FHOD3: variants seen among roughly 807,000 people sequenced by gnomAD.
FHOD3 encodes the protein formin homology 2 domain containing 3.
FHOD3 carries 90 observed loss-of-function variants against 173.0 expected under a neutral mutation model. That is an observed-to-expected ratio of 0.52 (90% CI 0.44 to 0.62). The LOEUF (loss-of-function observed/expected upper bound fraction) is 0.62. FHOD3 is among the 20% of genes least tolerant of loss of function. The probability of loss-of-function intolerance (pLI) is 0.00; values close to 1 mark genes in which losing one functional copy is unlikely to be tolerated. For synonymous variants in FHOD3, 828 were observed against 823.0 expected (o/e 1.01, Z -0.10); for missense variants, 1,945 against 2,034.7 (o/e 0.96, Z 0.85).
intron 10 of FHOD3, among the ~76,000 whole-genome samples, chr18:36,648,475 A>G (rs556626608): frequency 2.6e-5 from 4 of 152,330 alleles, no homozygotes; most frequent in South Asian, 2.1e-4. Flanking sequence ...ACAAAACCCA[A>G]TTGAAACCAC....
intron 5 of FHOD3, among the ~76,000 whole-genome samples, chr18:36,527,684 A>T (rs1374262640): frequency 1.3e-5 from 2 of 152,190 alleles, no homozygotes; most frequent in African/African-American, 4.8e-5. Flanking sequence ...TAGGCTGGCC[A>T]TGGGGAGGTT....
At chr18:36,730,866 G>A in intron 20 of FHOD3, 62 bp downstream of exon 20, 1 of 1,487,912 alleles carries the variant, frequency 6.7e-7, no homozygotes, top group Non-Finnish European at 9.2e-7. Flanking sequence ...ATAATATGCT[G>A]CATGTCCACA....
chr18:36,600,939 T>C (rs928709683), intron 7 of FHOD3, among the ~76,000 whole-genome samples: 8 of 152,238 alleles, frequency 5.3e-5, no homozygotes, highest in African/African-American at 1.9e-4. Context: ...CAAGGTTTTA[T>C]ACAAAATGTG....
At chr18:36,666,431 C>T (rs745873992) in intron 14 of FHOD3, among the ~76,000 whole-genome samples, 1 of 152,182 alleles carries the variant, frequency 6.6e-6, no homozygotes, top group Non-Finnish European at 1.5e-5. Context: ...AAGCAAATGC[C>T]TTTTACAACT....
chr18:36,530,963 G>A (rs1382445326), intron 5 of FHOD3, among the ~76,000 whole-genome samples: 1 of 152,088 alleles, frequency 6.6e-6, no homozygotes, highest in Admixed American at 6.5e-5. Flanking sequence ...CTTTTCCTTG[G>A]CCTATTTCCA....
chr18:36,315,259 T>C (rs1014888903), intron 1 of FHOD3, among the ~76,000 whole-genome samples: 1 of 152,234 alleles, frequency 6.6e-6, no homozygotes, highest in Non-Finnish European at 1.5e-5. Flanking sequence ...GACTGGCTTA[T>C]GTTTAGTGAG....
At chr18:36,375,236 T>C (rs1184927983) in intron 3 of FHOD3, among the ~76,000 whole-genome samples, 3 of 152,214 alleles carry the variant, frequency 2.0e-5, no homozygotes, top group African/African-American at 4.8e-5. Flanking sequence ...ATCGGAAATA[T>C]GACAAGGAGA....
At position 36,450,487 on chromosome 18, in the gene FHOD3, A is replaced by ATTTATTTT. The variant is rs1555710146; in HGVS notation, c.338-51445_338-51444insTTTATTTT. On this transcript the variant is annotated intron_variant, in intron 3 of 28. Coordinates refer to ENST00000590592, the MANE Select transcript of FHOD3 (RefSeq NM_001281740.3). ...TATTTATTTATTTATTTATTTATTT[A>ATTTATTTT]ATTTTTAAAGAAAACTCCCTGAGGC... 4.9e-3 allele frequency among the ~76,000 whole-genome samples: 741 copies of ATTTATTTT among 149,802 alleles called. 5 individuals carry two copies. Among genetic ancestry groups the ATTTATTTT allele is most frequent in the African/African-American group, 0.017 (684 of 40,364 alleles).
intron 1 of FHOD3, among the ~76,000 whole-genome samples, chr18:36,354,023 C>T (rs1237385454): frequency 6.6e-6 from 1 of 152,216 alleles, no homozygotes; most frequent in Non-Finnish European, 1.5e-5. Context: ...TGGGGGCCTT[C>T]TTCACTTTCA....
intron 3 of FHOD3, among the ~76,000 whole-genome samples, chr18:36,384,211 T>A (rs1263406794): frequency 6.6e-6 from 1 of 152,024 alleles, no homozygotes; most frequent in Non-Finnish European, 1.5e-5. Flanking sequence ...AAAACCCATC[T>A]CTACTAAAAA....
chr18:36,724,110 G>A (rs2040928010), intron 19 of FHOD3, among the ~76,000 whole-genome samples: 1 of 152,304 alleles, frequency 6.6e-6, no homozygotes, highest in Non-Finnish European at 1.5e-5. Context: ...ACTTTTACTT[G>A]GAGGTTTAAT....
chr18:36,594,029 C>T (rs1485458062), intron 6 of FHOD3, among the ~76,000 whole-genome samples: 2 of 152,152 alleles, frequency 1.3e-5, no homozygotes, highest in Non-Finnish European at 2.9e-5. Context: ...CCTAAGGGGC[C>T]CCGGAGGCTG....
intron 7 of FHOD3, among the ~76,000 whole-genome samples, chr18:36,596,188 T>C (rs996650750): frequency 2.6e-5 from 4 of 152,116 alleles, no homozygotes; most frequent in African/African-American, 9.7e-5. Context: ...GGAGTCTTGC[T>C]CCGTCGCCCA....
At chr18:36,379,592 G>A (rs1405676692) in intron 3 of FHOD3, among the ~76,000 whole-genome samples, 4 of 152,190 alleles carry the variant, frequency 2.6e-5, no homozygotes, top group Admixed American at 2.6e-4. Flanking sequence ...CCCATTGATA[G>A]GGATGCCTGT....
intron 8 of FHOD3, among the ~76,000 whole-genome samples, chr18:36,604,626 A>G (rs780139011): frequency 9.7e-4 from 147 of 152,316 alleles, no homozygotes; most frequent in Non-Finnish European, 1.9e-3. Context: ...AGCTTAAAGC[A>G]TTTAATGGAA....
chr18:36,475,649 T>G (rs1433634675), intron 3 of FHOD3, among the ~76,000 whole-genome samples: 1 of 152,114 alleles, frequency 6.6e-6, no homozygotes, highest in Non-Finnish European at 1.5e-5. Context: ...TTAGTTTAAA[T>G]GTATATATGA....
chr18:36,735,219 C>A (rs2041569875), intron 20 of FHOD3, among the ~76,000 whole-genome samples: 1 of 152,166 alleles, frequency 6.6e-6, no homozygotes, highest in Admixed American at 6.5e-5. Context: ...CAGAAGTTTT[C>A]TTTGGCCACA....
At chr18:36,355,764 T>C in intron 2 of FHOD3, 119 bp downstream of exon 2, 1 of 785,292 alleles carries the variant, frequency 1.3e-6, no homozygotes, top group South Asian at 1.7e-5. Flanking sequence ...TAATTCTCAA[T>C]CACACACGAG....
In FHOD3 at chr18:36,687,354, G is replaced by T. The variant is rs116611068; in HGVS notation, c.2021+176G>T. On this transcript the variant is annotated intron_variant, in intron 16 of 28. Transcript: ENST00000590592. ...CTAAATTTTCCAATAAAAGTATGGAGTTGTCATTTGGTGCCATCATGGTTA... is the reference window on the plus strand; with the variant it reads ...CTAAATTTTCCAATAAAAGTATGGATTTGTCATTTGGTGCCATCATGGTTA... Among the ~76,000 whole-genome samples the T allele has an allele frequency of 4.2e-3, 638 of 152,290 alleles. 8 individuals are homozygous for T. Among genetic ancestry groups the T allele is most frequent in the African/African-American group, 0.015 (603 of 41,558 alleles).
Sources: gnomAD v4.1 joint callset for allele counts (sites outside exome capture counted in the v4.1 genomes callset) on GRCh38, gnomAD v4.1.1 for gene constraint, MANE v1.5 for transcripts, NCBI Gene and HGNC (gene_info 2026-07-23, HGNC 2026-07-21) for gene names.